The following CNTN4 variants were observed in gnomAD, a reference collection of about 807,000 sequenced individuals.
CNTN4 encodes contactin-4.
A neutral mutation model predicts 122.5 loss-of-function variants in CNTN4; 77 were observed. The observed-to-expected ratio is 0.63, with a 90% CI of 0.52 to 0.76. The LOEUF (loss-of-function observed/expected upper bound fraction) is 0.76. CNTN4 is among the 30% of genes least tolerant of loss of function. CNTN4 has a pLI of 0.00. For synonymous variants in CNTN4, 512 were observed against 447.0 expected, an observed-to-expected ratio of 1.15 and a Z score of -1.83; for missense variants, 1,256 against 1,259.1, an observed-to-expected ratio of 1.00 and a Z score of 0.04.
chr3:2,554,011 A>G (rs79297180), intron 3 of CNTN4, among the ~76,000 whole-genome samples: 1 of 152,304 alleles, frequency 6.6e-6, no homozygotes, highest in Non-Finnish European at 1.5e-5. Context: ...AGTTATCTCA[A>G]TAATCGGTGT....
chr3:3,026,923 T>A (rs1698770423), intron 15 of CNTN4, among the ~76,000 whole-genome samples: 1 of 152,102 alleles, frequency 6.6e-6, no homozygotes, highest in South Asian at 2.1e-4. Context: ...TGTCAAAAAA[T>A]TTTTTTCTGC....
At chr3:2,243,569 A>G (rs940958554) in intron 2 of CNTN4, among the ~76,000 whole-genome samples, 1 of 152,082 alleles carries the variant, frequency 6.6e-6, no homozygotes, top group Non-Finnish European at 1.5e-5. Context: ...ATGGCCCAAG[A>G]CAACTCTTCT....
chr3:2,600,005 C>CTTTTTTTTTTTTTTTTTT (rs1220761684), intron 4 of CNTN4, among the ~76,000 whole-genome samples: 2 of 28,270 alleles, frequency 7.1e-5, no homozygotes, highest in Non-Finnish European at 9.4e-5. Flanking sequence ...TTATGGAATT[C>CTTTTTTTTTTTTTTTTTT]TTCTTTTTTT....
intron 3 of CNTN4, among the ~76,000 whole-genome samples, chr3:2,378,756 A>G (rs2045913726): frequency 1.3e-5 from 2 of 152,028 alleles, no homozygotes; most frequent in South Asian, 4.2e-4. Flanking sequence ...TTGAAGAAGG[A>G]TTACAAATAA....
intron 23 of CNTN4, among the ~76,000 whole-genome samples, chr3:3,048,949 A>C (rs1300942570): frequency 6.6e-6 from 1 of 152,214 alleles, no homozygotes; most frequent in Non-Finnish European, 1.5e-5. Flanking sequence ...AAAGGAGAGC[A>C]TCTGGTTTTA....
intron 4 of CNTN4, among the ~76,000 whole-genome samples, chr3:2,645,825 C>T (rs949132069): frequency 2.6e-5 from 4 of 152,268 alleles, no homozygotes; most frequent in East Asian, 1.9e-4. Flanking sequence ...ACAAGGAAAA[C>T]TCAGGTTCTG....
intron 7 of CNTN4, among the ~76,000 whole-genome samples, chr3:2,849,931 C>T (rs987948381): frequency 5.9e-5 from 9 of 151,566 alleles, no homozygotes; most frequent in African/African-American, 1.5e-4. Flanking sequence ...CATGAGAAGC[C>T]GTATGTGTGG....
intron 3 of CNTN4, among the ~76,000 whole-genome samples, chr3:2,347,304 C>T (rs1399893990): frequency 6.6e-6 from 1 of 151,718 alleles, no homozygotes; most frequent in Non-Finnish European, 1.5e-5. Flanking sequence ...GAATCATAAA[C>T]TGGCTCAGAA....
intron 3 of CNTN4, among the ~76,000 whole-genome samples, chr3:2,367,370 T>C (rs1486285170): frequency 6.6e-6 from 1 of 152,154 alleles, no homozygotes; most frequent in Non-Finnish European, 1.5e-5. Flanking sequence ...CACTCCCCAA[T>C]CAGATTTTTG....
chr3:2,429,308 C>T (rs997032508), intron 3 of CNTN4, among the ~76,000 whole-genome samples: 3 of 152,188 alleles, frequency 2.0e-5, no homozygotes, highest in African/African-American at 7.2e-5. Context: ...ACAGTCAGGA[C>T]CCTCAGCTGC....
intron 12 of CNTN4, among the ~76,000 whole-genome samples, chr3:2,905,694 A>T (rs547780934): frequency 2.0e-5 from 3 of 152,272 alleles, no homozygotes; most frequent in Non-Finnish European, 4.4e-5. Context: ...AGAACAATAA[A>T]GGCATGTCAT....
intron 4 of CNTN4, among the ~76,000 whole-genome samples, chr3:2,723,797 T>C (rs778380491): frequency 2.0e-5 from 3 of 152,164 alleles, no homozygotes; most frequent in African/African-American, 7.2e-5. Context: ...CTGGTAATCA[T>C]AGAGAGCAGT....
intron 10 of CNTN4, among the ~76,000 whole-genome samples, chr3:2,889,891 A>T (rs1465754345): frequency 1.3e-5 from 2 of 152,232 alleles, no homozygotes; most frequent in South Asian, 4.1e-4. Flanking sequence ...ATGGAAAATC[A>T]ACTTTGTCAC....
At chr3:2,420,185 G>C (rs1197156857) in intron 3 of CNTN4, among the ~76,000 whole-genome samples, 2 of 152,162 alleles carry the variant, frequency 1.3e-5, no homozygotes, top group Non-Finnish European at 2.9e-5. Context: ...CCTAGTATCT[G>C]CAGGTTTGTT....
chr3:2,655,582 T>A (rs2083552201), intron 4 of CNTN4, among the ~76,000 whole-genome samples: 2 of 152,206 alleles, frequency 1.3e-5, no homozygotes, highest in Non-Finnish European at 2.9e-5. Context: ...TGGCAGGGAC[T>A]GGCCATGCAA....
At chr3:2,214,242 A>T (rs2038740030) in intron 2 of CNTN4, among the ~76,000 whole-genome samples, 1 of 152,130 alleles carries the variant, frequency 6.6e-6, no homozygotes, top group Non-Finnish European at 1.5e-5. Flanking sequence ...GGGGATACAC[A>T]CTTCAATTGA....
rs546827142 is a variant in CNTN4, at chr3:3,049,585, G to A, written c.2812-4222G>A. 3.9e-5 allele frequency among the ~76,000 whole-genome samples: 6 copies of A among 152,276 alleles called. No individual in the cohort carries two copies. In the East Asian group the frequency reaches 5.8e-4, roughly 15 times the overall value. The stretch of plus-strand genomic sequence containing the variant: ...TCTGCCTACCAGCCATAAATAAATA[G>A]AATAAGTGATAACAAAGTACTGCAG... On this transcript the variant is annotated intron_variant, in intron 23 of 24. Transcript: ENST00000418658.
intron 4 of CNTN4, among the ~76,000 whole-genome samples, chr3:2,683,734 T>A (rs2085285808): frequency 6.6e-6 from 1 of 152,142 alleles, no homozygotes. Flanking sequence ...TAAACACATA[T>A]AAGAAATCTA....
intron 3 of CNTN4, among the ~76,000 whole-genome samples, chr3:2,448,988 CT>C (rs968192348): frequency 3.9e-5 from 6 of 151,994 alleles, no homozygotes; most frequent in South Asian, 2.1e-4. Flanking sequence ...GCCCATGTAA[CT>C]TTTTTTTATT....
Sources: gnomAD v4.1 joint callset for allele counts (sites outside exome capture counted in the v4.1 genomes callset) on GRCh38, gnomAD v4.1.1 for gene constraint, MANE v1.5 for transcripts, NCBI Gene and HGNC (gene_info 2026-07-23, HGNC 2026-07-21) for gene names.